Variants in RB1 observed in about 807,000 individuals in gnomAD.
RB1 encodes retinoblastoma-associated protein.
A neutral mutation model predicts 135.4 loss-of-function variants in RB1; 18 were observed. That is an observed-to-expected ratio of 0.13 (90% CI 0.09 to 0.20). The LOEUF is 0.20. RB1 is among the 10% of genes least tolerant of loss of function. The pLI, the probability that RB1 is intolerant of heterozygous loss-of-function variation, is 1.00. For missense variants in RB1, 868 were observed against 1,110.0 expected, an observed-to-expected ratio of 0.78 and a Z score of 3.10; for synonymous variants, 365 against 373.2, an observed-to-expected ratio of 0.98 and a Z score of 0.25.
rs574208670 is a variant in RB1 at position 48,450,098 on chromosome 13, T to A, written c.1696-2895T>A. 5.9e-3 allele frequency among the ~76,000 whole-genome samples: 880 copies of A among 148,538 alleles called. 6 individuals are homozygous for A. Among genetic ancestry groups the A allele is most frequent in the African/African-American group, 0.021 (815 of 38,992 alleles). On this transcript the variant is annotated intron_variant, in intron 17 of 26. Transcript: ENST00000267163. ...GCACTCTGATGATATATATATATTT[T>A]TTTTTTTTTGCTGTGCAGAAGCTGT...
At chr13:48,432,299 C>A (rs1593511249) in intron 17 of RB1, among the ~76,000 whole-genome samples, 1 of 152,062 alleles carries the variant, frequency 6.6e-6, no homozygotes, top group South Asian at 2.1e-4. Context: ...ATGTTCATGT[C>A]CCCAAGATCT....
At chr13:48,357,146 G>GA (rs1212549756) in intron 6 of RB1, among the ~76,000 whole-genome samples, 2 of 150,986 alleles carry the variant, frequency 1.3e-5, no homozygotes, top group East Asian at 3.9e-4. Flanking sequence ...GTTCATTTTA[G>GA]AAAATCTTAA....
chr13:48,304,712 T>C (rs1952064979), intron 1 of RB1, among the ~76,000 whole-genome samples: 1 of 152,120 alleles, frequency 6.6e-6, no homozygotes, highest in African/African-American at 2.4e-5. Flanking sequence ...AACTGAAACA[T>C]GGGCAAAACT....
chr13:48,394,057 C>G (rs1174156712), intron 17 of RB1, among the ~76,000 whole-genome samples: 1 of 152,134 alleles, frequency 6.6e-6, no homozygotes, highest in Non-Finnish European at 1.5e-5. Context: ...GTACCTGGCT[C>G]ATCTCATTGG....
At chr13:48,398,417 T>C (rs546602218) in intron 17 of RB1, among the ~76,000 whole-genome samples, 186 of 152,236 alleles carry the variant, frequency 1.2e-3, no homozygotes, top group African/African-American at 4.3e-3. Context: ...CAACTTTGCT[T>C]CCCACTATGT....
chr13:48,416,978 A>G lies in RB1; in HGVS notation c.1695+35535A>G, dbSNP rs1483164741. On this transcript the variant is annotated intron_variant, in intron 17 of 26. Transcript: ENST00000267163. ...ACAGAGCACCTGGGGGAAGGGTGCT[A>G]TGGGTGGCTATTGGTGCAGCTTCAG... Among the ~76,000 whole-genome samples the G allele has an allele frequency of 3.9e-5, 6 of 152,162 alleles. No homozygotes were observed. The East Asian group carries it at 1.2e-3, about 29-fold the overall frequency.
At chr13:48,360,685 T>C (rs1952631486) in intron 7 of RB1, 1 of 152,488 alleles carries the variant, frequency 6.6e-6, no homozygotes, top group African/African-American at 2.4e-5. Flanking sequence ...GGAAGTATAT[T>C]TAAATAAAAA....
chr13:48,353,731 A>G (rs1435529532), intron 6 of RB1, among the ~76,000 whole-genome samples: 1 of 152,156 alleles, frequency 6.6e-6, no homozygotes, highest in South Asian at 2.1e-4. Flanking sequence ...AATACATTAG[A>G]TAGATCATTC....
At chr13:48,348,813 A>G (rs1156563075) in intron 5 of RB1, 143 bp from the exon 6 acceptor site, 4 of 890,612 alleles carry the variant, frequency 4.5e-6, no homozygotes, top group Non-Finnish European at 6.5e-6. Context: ...TGCAATTAAA[A>G]TGGACTGCAT....
At chr13:48,318,682 T>C (rs2138052031) in intron 2 of RB1, 1 of 616,630 alleles carries the variant, frequency 1.6e-6, no homozygotes, top group East Asian at 3.0e-5. Flanking sequence ...GACGGCCTCA[T>C]GGCATGGCCG....
At position 48,304,742 on chromosome 13, in the gene RB1, A is replaced by C. The variant is rs146282087; in HGVS notation, c.137+693A>C. On this transcript the variant is annotated intron_variant, in intron 1 of 26. Transcript: ENST00000267163. ...AAAACTTTCATGAGACATTTACCAG[A>C]AGTGCTTGAAAGTTTCTAAACTTTT... Among the ~76,000 whole-genome samples the C allele has an allele frequency of 5.6e-4, 86 of 152,280 alleles. No homozygotes were observed. In the East Asian group the frequency reaches 0.014, roughly 25 times the overall value.
intron 10 of RB1, 99 bp downstream of exon 10, chr13:48,367,702 A>G (rs999693962): frequency 5.9e-6 from 8 of 1,354,068 alleles, no homozygotes; most frequent in Non-Finnish European, 8.0e-6. Flanking sequence ...TTTAGATATC[A>G]TTTATAACAA....
chr13:48,392,214 G>A (rs781605290), intron 17 of RB1, among the ~76,000 whole-genome samples: 8 of 151,916 alleles, frequency 5.3e-5, no homozygotes, highest in Non-Finnish European at 8.8e-5. Context: ...AGGTTCAAGC[G>A]ATTCTTCTGC....
chr13:48,318,510 G>T, intron 2 of RB1: 1 of 1,032,214 alleles, frequency 9.7e-7, no homozygotes, highest in Non-Finnish European at 1.4e-6. Context: ...CGTCATGCGA[G>T]TGTCGCCGGG....
At chr13:48,307,468 C>A in intron 2 of RB1, 62 bp downstream of exon 2, 1 of 1,474,802 alleles carries the variant, frequency 6.8e-7, no homozygotes, top group South Asian at 1.2e-5. Context: ...AACTTCAAAT[C>A]ACTATACAAA....
chr13:48,319,021 G>A lies in RB1; in HGVS notation c.264+11615G>A. 2 of 681,816 alleles carry A rather than the reference G, an allele frequency of 2.9e-6. No individual in the cohort carries two copies. The highest frequency in any genetic ancestry group is 1.4e-5 in the South Asian group (1 of 70,382). The allele number at this position is 681,816 out of a possible 1,614,324, so 42.2% of individuals were successfully genotyped here. A position where few individuals can be genotyped will look rare whatever the true frequency, so the allele number is the denominator to read the frequency against. The stretch of plus-strand genomic sequence containing the variant: ...GGGCCGGCAGGGTAGTCTTGGAAAT[G>A]CCCAAGATTGCTTCCGCGCGCGTCA... On this transcript the variant is annotated intron_variant, in intron 2 of 26. Transcript: ENST00000267163. This position sits in a 1 kb window ranked among gnomAD's most constrained non-coding sequence, Gnocchi z 5.0.
chr13:48,406,543 A>G (rs1056146381), intron 17 of RB1: 1 of 152,188 alleles, frequency 6.6e-6, no homozygotes, highest in African/African-American at 2.4e-5. Context: ...TTATTTGATC[A>G]TGTCTCCCCT....
chr13:48,345,101 A>G lies in RB1; in HGVS notation c.402A>G (p.Leu134=), dbSNP rs1566186851. ...GTAGTGTCCATAAATTCTTTAACTTACTAAAAGAAATTGATACCAGTACCA... is the reference window on the plus strand; with the variant it reads ...GTAGTGTCCATAAATTCTTTAACTTGCTAAAAGAAATTGATACCAGTACCA... ...IEISVHKFFN[L]LKEIDTSTKV... is the part of the protein sequence containing the mutation. The change falls in exon 4 of 27, where the codon TTA becomes TTG. Residue 134 remains leucine, a synonymous_variant. Coordinates refer to ENST00000267163, the MANE Select transcript of RB1 (RefSeq NM_000321.3). 4 of 1,612,294 alleles carry G rather than the reference A, an allele frequency of 2.5e-6. No homozygotes were observed. Among genetic ancestry groups the G allele is most frequent in the Non-Finnish European group, 3.4e-6 (4 of 1,179,162 alleles).
chr13:48,440,289 T>G (rs923030290), intron 17 of RB1, among the ~76,000 whole-genome samples: 1 of 152,194 alleles, frequency 6.6e-6, no homozygotes, highest in African/African-American at 2.4e-5. Context: ...TATTAACTAT[T>G]TTTCCTGAGA....
Sources: allele counts gnomAD v4.1 joint callset (sites outside exome capture counted in the v4.1 genomes callset), GRCh38; gene constraint gnomAD v4.1.1; non-coding constraint Gnocchi (gnomAD v3.1); transcripts MANE v1.5; gene names NCBI Gene and HGNC (gene_info 2026-07-23, HGNC 2026-07-21).